RPS6KC1: variants seen among roughly 807,000 people sequenced by gnomAD.
RPS6KC1 encodes the protein inactive ribosomal protein S6 kinase delta-1.
A neutral mutation model predicts 103.8 loss-of-function variants in RPS6KC1; 54 were observed. The observed-to-expected ratio is 0.52, with a 90% confidence interval of 0.42 to 0.65. The LOEUF is 0.65. Ranked by LOEUF, RPS6KC1 falls within the 30% of genes least tolerant of loss-of-function variation. RPS6KC1 has a pLI of 0.00. For synonymous variants in RPS6KC1, 439 were observed against 438.7 expected (o/e 1.00, Z -0.01); for missense variants, 1,151 against 1,253.8 (o/e 0.92, Z 1.24).
At chr1:213,782,842 C>T in the RPS6KC1 span, among the ~76,000 whole-genome samples, 1 of 152,182 alleles carries the variant, frequency 6.6e-6, no homozygotes, top group Non-Finnish European at 1.5e-5. Flanking sequence ...GGCACAACAG[C>T]CACTGGTCTA....
the RPS6KC1 span, among the ~76,000 whole-genome samples, chr1:213,705,671 C>T: frequency 6.6e-6 from 1 of 152,228 alleles, no homozygotes; most frequent in Non-Finnish European, 1.5e-5. Context: ...GTGGAAGGAG[C>T]CTTGCCCTGT....
chr1:213,576,611 T>C, the RPS6KC1 span, among the ~76,000 whole-genome samples: 1 of 152,166 alleles, frequency 6.6e-6, no homozygotes, highest in Non-Finnish European at 1.5e-5. Context: ...ATGTTGTTTG[T>C]GTTCTGACTG....
At chr1:213,850,802 T>TC in the RPS6KC1 span, among the ~76,000 whole-genome samples, 1 of 151,914 alleles carries the variant, frequency 6.6e-6, no homozygotes, top group African/African-American at 2.4e-5. Flanking sequence ...TTGGCTTTTT[T>TC]TTTTTTTAAT....
At chr1:213,826,766 C>T in the RPS6KC1 span, among the ~76,000 whole-genome samples, 1 of 152,078 alleles carries the variant, frequency 6.6e-6, no homozygotes, top group African/African-American at 2.4e-5. Context: ...CAGAACAACC[C>T]TGGGAAGGGG....
chr1:213,668,402 ACCACCC>A, the RPS6KC1 span, among the ~76,000 whole-genome samples: 68 of 86,278 alleles, frequency 7.9e-4, 2 homozygotes, highest in South Asian at 0.027. Flanking sequence ...CCCCCGCCGC[ACCACCC>A]CCACCCCCAC....
the RPS6KC1 span, among the ~76,000 whole-genome samples, chr1:213,510,551 C>T: frequency 3.3e-5 from 5 of 152,138 alleles, no homozygotes; most frequent in Non-Finnish European, 7.3e-5. Flanking sequence ...CTTGGTTTTG[C>T]AGTTACTGAG....
intron 4 of RPS6KC1, among the ~76,000 whole-genome samples, chr1:213,109,831 GTT>G (rs1281196785): frequency 1.4e-5 from 2 of 143,464 alleles, no homozygotes; most frequent in Admixed American, 7.0e-5. Context: ...TAGGTGGGAA[GTT>G]TTTTTTTTTT....
the RPS6KC1 span, among the ~76,000 whole-genome samples, chr1:213,408,221 G>A: frequency 6.6e-6 from 1 of 152,218 alleles, no homozygotes; most frequent in African/African-American, 2.4e-5. Context: ...ACACTCAGCA[G>A]ATGGTCCATA....
chr1:213,829,958 C>A, the RPS6KC1 span, among the ~76,000 whole-genome samples: 2 of 152,108 alleles, frequency 1.3e-5, no homozygotes, highest in East Asian at 3.9e-4. Flanking sequence ...TGGCAGAAGC[C>A]GCTCTCACCC....
chr1:213,476,615 A>G, the RPS6KC1 span, among the ~76,000 whole-genome samples: 1 of 152,162 alleles, frequency 6.6e-6, no homozygotes, highest in African/African-American at 2.4e-5. Context: ...TCTGCTTACA[A>G]TGGTGAACAA....
intron 8 of RPS6KC1, among the ~76,000 whole-genome samples, chr1:213,217,838 A>C (rs931593563): frequency 3.3e-5 from 5 of 152,038 alleles, no homozygotes; most frequent in African/African-American, 9.7e-5. Context: ...CATGCTAAAA[A>C]CTCTCAATAA....
At chr1:213,305,183 C>G in the RPS6KC1 span, among the ~76,000 whole-genome samples, 1 of 152,164 alleles carries the variant, frequency 6.6e-6, no homozygotes, top group African/African-American at 2.4e-5. Context: ...CTCCCGGATT[C>G]CAGTGATTCT....
intron 1 of RPS6KC1, among the ~76,000 whole-genome samples, chr1:213,052,994 C>T (rs1160186694): frequency 6.6e-6 from 1 of 152,146 alleles, no homozygotes; most frequent in African/African-American, 2.4e-5. Context: ...CTGCTATTGC[C>T]GATTGCTGTT....
At chr1:213,524,263 C>T in the RPS6KC1 span, among the ~76,000 whole-genome samples, 2 of 152,070 alleles carry the variant, frequency 1.3e-5, no homozygotes, top group East Asian at 3.9e-4. Flanking sequence ...TAGTATTGTG[C>T]ATCTTCTTCC....
At chr1:213,745,830 C>A in the RPS6KC1 span, among the ~76,000 whole-genome samples, 1 of 152,164 alleles carries the variant, frequency 6.6e-6, no homozygotes, top group East Asian at 1.9e-4. Flanking sequence ...GAAGGATGCT[C>A]AGGTTAAATC....
chr1:213,095,743 CTAT>C (rs1003827021), intron 3 of RPS6KC1, among the ~76,000 whole-genome samples: 1 of 152,178 alleles, frequency 6.6e-6, no homozygotes, highest in African/African-American at 2.4e-5. Context: ...GTACTGTAGT[CTAT>C]TGAGTGTGCA....
At chr1:213,074,738 A>G (rs1015342081) in intron 2 of RPS6KC1, among the ~76,000 whole-genome samples, 1 of 151,042 alleles carries the variant, frequency 6.6e-6, no homozygotes, top group African/African-American at 2.4e-5. Flanking sequence ...CAGACTATCT[A>G]CTGGTTCATA....
chr1:213,277,003 T>G (rs2095113867), downstream of RPS6KC1, among the ~76,000 whole-genome samples: 1 of 152,218 alleles, frequency 6.6e-6, no homozygotes, highest in Non-Finnish European at 1.5e-5. Context: ...ATGGATACTT[T>G]CTGTTCCTAT....
the RPS6KC1 span, among the ~76,000 whole-genome samples, chr1:213,448,454 C>A: frequency 6.6e-6 from 1 of 151,956 alleles, no homozygotes; most frequent in Non-Finnish European, 1.5e-5. Context: ...AGACCCAAAC[C>A]CCCAAGAAAT....
Sources: gnomAD v4.1 joint callset for allele counts (sites outside exome capture counted in the v4.1 genomes callset) on GRCh38, gnomAD v4.1.1 for gene constraint, MANE v1.5 for transcripts, NCBI Gene and HGNC (gene_info 2026-07-23, HGNC 2026-07-21) for gene names.